The following ETAA1 variants were observed in gnomAD, a reference collection of about 807,000 sequenced individuals.
ETAA1 encodes ETAA1 activator of ATR kinase.
A neutral mutation model predicts 76.8 loss-of-function variants in ETAA1; 49 were observed. That is an observed-to-expected ratio of 0.64 (90% confidence interval 0.51 to 0.81). The LOEUF (loss-of-function observed/expected upper bound fraction) is 0.81. ETAA1 is among the 30% of genes least tolerant of loss of function. ETAA1 has a pLI of 0.00. For synonymous variants in ETAA1, 373 were observed against 372.2 expected (o/e 1.00, Z -0.03); for missense variants, 1,099 against 1,074.0 (o/e 1.02, Z -0.32).
chr2:67,402,501 T>C (rs1676082509), intron 3 of ETAA1: 1 of 152,402 alleles, frequency 6.6e-6, no homozygotes, highest in East Asian at 1.9e-4. Context: ...GACACTAATG[T>C]TTTTATAAGT....
chr2:67,397,723 TC>T, intron 1 of ETAA1, 52 bp downstream of exon 1: 1 of 1,507,552 alleles, frequency 6.6e-7, no homozygotes. Context: ...CATCCCCACA[TC>T]CCAGCTTGCA....
In ETAA1 at chr2:67,403,907, C is replaced by T; in HGVS notation, c.1225C>T (p.His409Tyr). 6.2e-7 allele frequency: 1 copy of T among 1,612,694 alleles called. No homozygotes were observed. Among genetic ancestry groups the T allele is most frequent in the Non-Finnish European group, 8.5e-7 (1 of 1,179,374 alleles). ...MPELFPSKTA[H>Y]VTDQKEICTF... ...TGAACTCTTTCCTTCTAAAACAGCC[C>T]ATGTTACTGATCAAAAGGAAATTTG... The change falls in exon 5 of 6, where the codon CAT becomes TAT. Residue 409 changes from histidine to tyrosine, a missense_variant. By Grantham distance (83) the His-to-Tyr change is moderately conservative. Transcript: ENST00000272342.
rs886639989 is a variant in ETAA1 at position 67,411,392 on chromosome 2, ATACCT to A, written c.*1357_*1361del. On this transcript the variant is annotated 3_prime_UTR_variant, in exon 6 of 6. Coordinates refer to ENST00000272342, the MANE Select transcript of ETAA1 (RefSeq NM_019002.4). Reference sequence around the variant, plus strand: ...CCAATAAACCCATCATGAGTTGAAAATACCTTAAGTTAAAAATGCATTTACTACAC... The same window carrying A: ...CCAATAAACCCATCATGAGTTGAAAATAAGTTAAAAATGCATTTACTACAC... The A allele has an allele frequency of 1.3e-5, 2 of 152,094 alleles. No homozygotes were observed. Among genetic ancestry groups the A allele is most frequent in the African/African-American group, 4.8e-5 (2 of 41,426 alleles). The allele number at this position is 152,094 out of a possible 1,614,324, so 9.4% of individuals were successfully genotyped here.
At chr2:67,398,871 C>T (rs1418409194) in intron 1 of ETAA1, among the ~76,000 whole-genome samples, 1 of 152,130 alleles carries the variant, frequency 6.6e-6, no homozygotes. Context: ...TTCCCCAAAG[C>T]CTCCAAGACT....
rs532485398 is a variant in ETAA1 at position 67,411,163 on chromosome 2, T to C, written c.*1125T>C. 1.1e-4 allele frequency: 17 copies of C among 152,144 alleles called. No individual in the cohort carries two copies. In the South Asian group the frequency reaches 2.3e-3, roughly 20 times the overall value. 9.4% of individuals were successfully genotyped at this position (152,144 alleles called of 1,614,324 possible). ...TATTTGGAATTTGCTAAACCAGTAA[T>C]AGAAGTCCAACTAGAGGGCGTAAGG... On this transcript the variant is annotated 3_prime_UTR_variant, in exon 6 of 6. Transcript: ENST00000272342.
rs1675997186 is a variant in ETAA1, at chr2:67,399,596, T to G, written c.399T>G (p.Ile133Met). ...TTTACACCACAGATAGTGATGAGAT[T>G]TCACATATTGTTAATCGTATTGCTC... is the stretch of plus-strand genomic sequence containing the variant. ...KQIYTTDSDE[I>M]SHIVNRIAPQ... The change falls in exon 3 of 6, where the codon ATT becomes ATG. Residue 133 changes from isoleucine (I) to methionine (M), a missense_variant. Ile to Met is a conservative substitution (Grantham distance 10). Around this residue, in one of 3 missense-constraint regions of ETAA1, gnomAD observed 761 missense variants for 731.9 expected, o/e 1.04. Transcript: ENST00000272342. 6.2e-7 allele frequency: 1 copy of G among 1,608,698 alleles called. No individual in the cohort carries two copies. The highest frequency in any genetic ancestry group is 8.5e-7 in the Non-Finnish European group (1 of 1,176,530).
chr2:67,403,898 A>C lies in ETAA1; in HGVS notation c.1216A>C (p.Lys406Gln), dbSNP rs1175231758. ...NIDMPELFPS[K>Q]TAHVTDQKEI... ...CGACATGCCTGAACTCTTTCCTTCTAAAACAGCCCATGTTACTGATCAAAA... is the reference window on the plus strand; with the variant it reads ...CGACATGCCTGAACTCTTTCCTTCTCAAACAGCCCATGTTACTGATCAAAA... The change falls in exon 5 of 6, where the codon AAA (lysine) becomes CAA (glutamine). Residue 406 changes from lysine to glutamine, a missense_variant. By Grantham distance (53) the Lys-to-Gln change is moderately conservative. Coordinates refer to ENST00000272342, the MANE Select transcript of ETAA1 (RefSeq NM_019002.4). The C allele has an allele frequency of 2.5e-6, 4 of 1,612,926 alleles. No homozygotes were observed. The Middle Eastern group carries it at 4.9e-4, about 199-fold the overall frequency.
rs1375654112 is a variant in ETAA1 at position 67,397,567 on chromosome 2, CCCGCGG to C, written c.120_125del (p.Arg41_Gly42del). ...CCAGGGAGGAGGCGGCTGAGATCGG[CCCGCGG>C]TTCGTGGCCCTGCGGGGCTAGAGAG... On this transcript the variant is annotated inframe_deletion, in exon 1 of 6. Coordinates refer to ENST00000272342, the MANE Select transcript of ETAA1 (RefSeq NM_019002.4). 3 of 1,566,610 alleles carry C rather than the reference CCCGCGG, an allele frequency of 1.9e-6. No individual in the cohort carries two copies. In the African/African-American group the frequency reaches 4.1e-5, roughly 21 times the overall value.
At position 67,404,826 on chromosome 2, in the gene ETAA1, C is replaced by T. The variant is rs3770656; in HGVS notation, c.2144C>T (p.Pro715Leu). The T allele has an allele frequency of 5.5e-4, 890 of 1,613,086 alleles. 12 individuals carry two copies. The East Asian group carries it at 0.014, about 25-fold the overall frequency. ...ACAAATAGCTCACAAATAGATAAGC[C>T]AATGAAGATGGAGAAAGGGGAAATG... ...SLTNSSQIDKPMKMEKGEMYG... is the reference protein window; with the variant it reads ...SLTNSSQIDKLMKMEKGEMYG... The change falls in exon 5 of 6, where the codon CCA (proline) becomes CTA (leucine). Residue 715 changes from proline to leucine, a missense_variant. Physicochemically the swap from Pro to Leu is moderately conservative, Grantham distance 98. This residue lies in a region of ETAA1 where 302 missense variants were observed against 278.1 expected (regional missense o/e 1.09). Coordinates refer to ENST00000272342, the MANE Select transcript of ETAA1 (RefSeq NM_019002.4).
chr2:67,408,520 G>A lies in ETAA1; in HGVS notation c.2654-1391G>A, dbSNP rs575327571. Among the ~76,000 whole-genome samples the A allele has an allele frequency of 1.0e-3, 150 of 149,522 alleles. 1 individual carries two copies. The highest frequency in any genetic ancestry group is 3.4e-3 in the African/African-American group (138 of 40,534). On this transcript the variant is annotated intron_variant, in intron 5 of 5. Transcript: ENST00000272342. ...TCAAAGGTTAACATTCTTGCTTTCT[G>A]ACTCTTTCTTTACAGGAAAAAAAAA...
At chr2:67,399,382 T>A in intron 2 of ETAA1, 85 bp downstream of exon 2, 6 of 1,300,172 alleles carry the variant, frequency 4.6e-6, no homozygotes, top group Non-Finnish European at 6.5e-6. Context: ...GATAATAGCA[T>A]CGGGAACCTC....
intron 1 of ETAA1, among the ~76,000 whole-genome samples, chr2:67,398,461 A>C (rs1675958692): frequency 6.6e-6 from 1 of 151,772 alleles, no homozygotes; most frequent in Non-Finnish European, 1.5e-5. Context: ...TCAGCCTCCC[A>C]AGTAGCTGGG....
intron 5 of ETAA1, among the ~76,000 whole-genome samples, chr2:67,406,005 ATCTC>A (rs1676207741): frequency 6.6e-6 from 1 of 151,928 alleles, no homozygotes; most frequent in African/African-American, 2.4e-5. Context: ...TCTTTTATCT[ATCTC>A]CTTTCAATTC....
Position 67,403,630 on chromosome 2 carries a change from A to C in ETAA1, c.948A>C (p.Thr316=), listed in dbSNP as rs763985566. ...CCAGTAATACTACCTTTGTAAAGAC[A>C]AATGCTTTGAAAGAGGAGAAAATCA... The part of the protein sequence containing the change: ...WSTSNTTFVK[T]NALKEEKIIT... The change falls in exon 5 of 6, where the codon ACA becomes ACC. Residue 316 remains threonine (T), a synonymous_variant. Transcript: ENST00000272342. The C allele has an allele frequency of 1.9e-6, 3 of 1,613,382 alleles. No homozygotes were observed. The African/African-American group carries it at 4.0e-5, about 22-fold the overall frequency.
rs373043700 is a variant in ETAA1 at position 67,405,223 on chromosome 2, C to G, written c.2541C>G (p.Thr847=). The change falls in exon 5 of 6, where the codon ACC becomes ACG. Residue 847 remains threonine (T), a synonymous_variant. Coordinates refer to ENST00000272342, the MANE Select transcript of ETAA1 (RefSeq NM_019002.4). The stretch of plus-strand genomic sequence containing the variant: ...GTATAACTGGAAGTATGTCTGATAC[C>G]AAAATTACACAGGGTGTGGAGAAAA... ...QNCITGSMSD[T]KITQGVEKKK... is the part of the protein sequence containing the mutation. The G allele has an allele frequency of 8.7e-6, 14 of 1,612,052 alleles. No homozygotes were observed. The highest frequency in any genetic ancestry group is 1.2e-5 in the Non-Finnish European group (14 of 1,178,964).
intron 5 of ETAA1, among the ~76,000 whole-genome samples, chr2:67,406,728 A>G (rs1247884076): frequency 6.6e-6 from 1 of 152,078 alleles, no homozygotes; most frequent in African/African-American, 2.4e-5. Context: ...GTATGTACGT[A>G]TATATGTGTA....
At position 67,405,070 on chromosome 2, in the gene ETAA1, T is replaced by A; in HGVS notation, c.2388T>A (p.Thr796=). The change falls in exon 5 of 6, where the codon ACT becomes ACA. Residue 796 remains threonine, a synonymous_variant. Transcript: ENST00000272342. ...CTACTTATAAGAAGAAATTGAGTAC[T>A]AATCAGCCATGCCATAAGACTGTAA... ...EITTYKKKLS[T]NQPCHKTVTD... The A allele has an allele frequency of 6.2e-7, 1 of 1,612,354 alleles. No homozygotes were observed. The highest frequency in any genetic ancestry group is 8.5e-7 in the Non-Finnish European group (1 of 1,179,170).
chr2:67,399,695 C>A, intron 3 of ETAA1, 69 bp downstream of exon 3: 1 of 1,062,950 alleles, frequency 9.4e-7, no homozygotes, highest in Non-Finnish European at 1.4e-6. Flanking sequence ...TTTGTAGTTT[C>A]TTTAAATGAA....
At chr2:67,401,064 T>C (rs201076773) in intron 3 of ETAA1, 2 of 152,058 alleles carry the variant, frequency 1.3e-5, no homozygotes, top group Non-Finnish European at 2.9e-5. Context: ...TAAATAGTGA[T>C]AAAAAGATAG....
Sources: gnomAD v4.1 joint callset for allele counts (sites outside exome capture counted in the v4.1 genomes callset) on GRCh38, gnomAD v4.1.1 for gene constraint, gnomAD v4.1.1 regional missense constraint, MANE v1.5 for transcripts, NCBI Gene and HGNC (gene_info 2026-07-23, HGNC 2026-07-21) for gene names.